KCNIP1: variants seen among roughly 807,000 people sequenced by gnomAD.
KCNIP1 encodes the protein potassium voltage-gated channel interacting protein 1.
Under a neutral mutation model 33.0 loss-of-function variants are expected in KCNIP1, and 18 were observed. The observed-to-expected ratio is 0.55, with a 90% CI of 0.38 to 0.81. The LOEUF is 0.81. Among genes scored for constraint, KCNIP1 ranks in the 30% least tolerant of loss-of-function variants. The pLI, the probability that KCNIP1 is intolerant of heterozygous loss-of-function variation, is 0.00. For synonymous variants in KCNIP1, 93 were observed against 98.3 expected, an observed-to-expected ratio of 0.95 and a Z score of 0.32; for missense variants, 238 against 271.6, an observed-to-expected ratio of 0.88 and a Z score of 0.87.
intron 1 of KCNIP1, chr5:170,486,513 A>G (rs1302695488): frequency 6.6e-6 from 1 of 152,254 alleles, no homozygotes; most frequent in Non-Finnish European, 1.5e-5. Context: ...CAGAGGAATC[A>G]AGAACAAAAA....
intron 1 of KCNIP1, among the ~76,000 whole-genome samples, chr5:170,434,092 T>A (rs1033503929): frequency 6.6e-6 from 1 of 152,220 alleles, no homozygotes; most frequent in East Asian, 1.9e-4. Flanking sequence ...AACCAAGCTA[T>A]CTAGGTTCAA....
intron 1 of KCNIP1, among the ~76,000 whole-genome samples, chr5:170,589,451 G>T (rs1208598064): frequency 2.0e-5 from 3 of 152,164 alleles, no homozygotes; most frequent in Non-Finnish European, 4.4e-5. Flanking sequence ...TCAGTGCCAG[G>T]TATTGTTGTA....
intron 1 of KCNIP1, among the ~76,000 whole-genome samples, chr5:170,386,614 G>A (rs1764483836): frequency 6.6e-6 from 1 of 152,082 alleles, no homozygotes. Flanking sequence ...GCACAGGCAG[G>A]GAAAGGAGAG....
chr5:170,494,494 C>G (rs955154200), intron 1 of KCNIP1, among the ~76,000 whole-genome samples: 3 of 152,172 alleles, frequency 2.0e-5, no homozygotes, highest in Non-Finnish European at 2.9e-5. Flanking sequence ...CCCACAGGCA[C>G]TCTTGGGAGG....
chr5:170,473,149 T>G (rs1010082098), intron 1 of KCNIP1, among the ~76,000 whole-genome samples: 1 of 152,218 alleles, frequency 6.6e-6, no homozygotes, highest in Non-Finnish European at 1.5e-5. Flanking sequence ...GGTGTCGCAT[T>G]GTGGTTTTGA....
intron 1 of KCNIP1, among the ~76,000 whole-genome samples, chr5:170,525,454 A>G (rs974790517): frequency 1.3e-4 from 20 of 152,258 alleles, no homozygotes; most frequent in African/African-American, 4.8e-4. Context: ...AAAAATGGCA[A>G]GAACCAAGCA....
At chr5:170,479,729 A>T (rs1004385884) in intron 1 of KCNIP1, among the ~76,000 whole-genome samples, 1 of 152,212 alleles carries the variant, frequency 6.6e-6, no homozygotes, top group African/African-American at 2.4e-5. Context: ...TTGGTAGGAT[A>T]TTTGTCACCA....
intron 1 of KCNIP1, among the ~76,000 whole-genome samples, chr5:170,416,374 G>C (rs1032080495): frequency 6.6e-6 from 1 of 152,262 alleles, no homozygotes; most frequent in South Asian, 2.1e-4. Context: ...CTCAGTCAGG[G>C]AAGGCCTGGA....
intron 1 of KCNIP1, among the ~76,000 whole-genome samples, chr5:170,617,009 GT>G (rs1282222564): frequency 2.8e-4 from 42 of 152,104 alleles, no homozygotes; most frequent in African/African-American, 8.7e-4. Context: ...TTTCTAATCT[GT>G]CGCCTCCACC....
intron 1 of KCNIP1, among the ~76,000 whole-genome samples, chr5:170,692,502 G>T (rs922810204): frequency 6.6e-6 from 1 of 152,216 alleles, no homozygotes; most frequent in Non-Finnish European, 1.5e-5. Flanking sequence ...ACAATACATT[G>T]CAACATTACA....
chr5:170,436,831 G>A (rs529443866), intron 1 of KCNIP1, among the ~76,000 whole-genome samples: 1 of 152,250 alleles, frequency 6.6e-6, no homozygotes, highest in Non-Finnish European at 1.5e-5. Flanking sequence ...CTTGTTTCCA[G>A]GCCCCATAAC....
At chr5:170,419,377 G>A (rs1315719373) in intron 1 of KCNIP1, among the ~76,000 whole-genome samples, 1 of 152,144 alleles carries the variant, frequency 6.6e-6, no homozygotes, top group African/African-American at 2.4e-5. Context: ...TTCCCTCCCG[G>A]TCCAATGCTG....
chr5:170,449,545 G>A (rs937200015), intron 1 of KCNIP1, among the ~76,000 whole-genome samples: 1 of 152,216 alleles, frequency 6.6e-6, no homozygotes, highest in African/African-American at 2.4e-5. Flanking sequence ...TGGATGATGT[G>A]CAAATTGCTC....
intron 4 of KCNIP1, 38 bp downstream of exon 4, chr5:170,721,941 T>C: frequency 6.2e-7 from 1 of 1,610,832 alleles, no homozygotes; most frequent in Non-Finnish European, 8.5e-7. Context: ...GGTCCTCTGG[T>C]TCTGCATCAC....
In KCNIP1 at chr5:170,733,910, T is replaced by C. The variant is rs1764295427; in HGVS notation, c.603+12T>C. The C allele has an allele frequency of 3.1e-6, 5 of 1,609,284 alleles. No homozygotes were observed. The highest frequency in any genetic ancestry group is 2.6e-6 in the Non-Finnish European group (3 of 1,175,944). ...AATCATGTCAGGAGGTAAGGAGAGA[T>C]CTCAGGGCACAATAACTCTACATCT... On this transcript the variant is annotated intron_variant, in intron 7 of 7. Coordinates refer to ENST00000328939, the MANE Select transcript of KCNIP1 (RefSeq NM_014592.4).
At chr5:170,671,173 T>C (rs1233208230) in intron 1 of KCNIP1, among the ~76,000 whole-genome samples, 3 of 152,196 alleles carry the variant, frequency 2.0e-5, no homozygotes, top group East Asian at 3.8e-4. Flanking sequence ...GTTCCTTTTC[T>C]TAAAACCCAT....
At chr5:170,667,169 G>A (rs1761735957) in intron 1 of KCNIP1, among the ~76,000 whole-genome samples, 1 of 152,092 alleles carries the variant, frequency 6.6e-6, no homozygotes, top group African/African-American at 2.4e-5. Flanking sequence ...AAAATAAGCT[G>A]GGCGGGGTGG....
chr5:170,513,805 G>A (rs1268271070), intron 1 of KCNIP1, among the ~76,000 whole-genome samples: 3 of 152,230 alleles, frequency 2.0e-5, no homozygotes, highest in Non-Finnish European at 2.9e-5. Context: ...TAAAGTAGGA[G>A]TCTAAACAGA....
rs115409914 is a variant in KCNIP1 at position 170,642,941 on chromosome 5, T to G, written c.62-75817T>G. 7.3e-3 allele frequency among the ~76,000 whole-genome samples: 1,113 copies of G among 152,238 alleles called. 10 individuals are homozygous for G. Among genetic ancestry groups the G allele is most frequent in the African/African-American group, 0.025 (1,056 of 41,542 alleles). On this transcript the variant is annotated intron_variant, in intron 1 of 7. Transcript: ENST00000328939. ...ATTCACCCAGTTAGGAAGTGATGAGTCCAGATGTGGTAGACTGAATAATGG... is the reference window on the plus strand; with the variant it reads ...ATTCACCCAGTTAGGAAGTGATGAGGCCAGATGTGGTAGACTGAATAATGG...
Sources: gnomAD v4.1 joint callset for allele counts (sites outside exome capture counted in the v4.1 genomes callset) on GRCh38, gnomAD v4.1.1 for gene constraint, MANE v1.5 for transcripts, NCBI Gene and HGNC (gene_info 2026-07-23, HGNC 2026-07-21) for gene names.